Variants in IBA57 observed in about 807,000 individuals in gnomAD.
IBA57 encodes the protein iron-sulfur cluster assembly factor IBA57, mitochondrial.
IBA57 carries 20 observed loss-of-function variants against 20.4 expected under a neutral mutation model. That is an observed-to-expected ratio of 0.98 (90% CI 0.69 to 1.42). The LOEUF is 1.42. IBA57 is among the 40% of genes most tolerant of loss of function. The pLI, the probability that IBA57 is intolerant of heterozygous loss-of-function variation, is 0.00. For missense variants in IBA57, 608 were observed against 499.3 expected, an observed-to-expected ratio of 1.22 and a Z score of -2.07; for synonymous variants, 310 against 233.9, an observed-to-expected ratio of 1.33 and a Z score of -2.97.
intron 1 of IBA57, chr1:228,173,559 G>C (rs2034956556): frequency 6.5e-6 from 1 of 152,734 alleles, no homozygotes; most frequent in East Asian, 1.9e-4. Flanking sequence ...TCTGAGACTT[G>C]GCTTGGGGAG....
At position 228,177,676 on chromosome 1, in the gene IBA57, A is replaced by G. The variant is rs969796960; in HGVS notation, c.*2163A>G. On this transcript the variant is annotated 3_prime_UTR_variant, in exon 3 of 3. Transcript: ENST00000366711. ...GCTAATTTTTGTATTTTTAGTAGAG[A>G]TGGGGTTTTACCATGTTGGCCAGGA... is the stretch of plus-strand genomic sequence containing the variant. 1 of 151,656 alleles carries G rather than the reference A, an allele frequency of 6.6e-6. No individual in the cohort carries two copies. The highest frequency in any genetic ancestry group is 2.4e-5 in the African/African-American group (1 of 41,234). The allele number at this position is 151,656 out of a possible 1,614,324, so 9.4% of individuals were successfully genotyped here.
intron 1 of IBA57, chr1:228,172,082 T>C (rs892927410): frequency 4.6e-4 from 4 of 8,644 alleles, no homozygotes; most frequent in African/African-American, 7.2e-4. Context: ...TTTTTTTTTG[T>C]TGTTGTTGTT....
intron 1 of IBA57, among the ~76,000 whole-genome samples, chr1:228,169,714 C>T (rs2034898532): frequency 6.6e-6 from 1 of 152,222 alleles, no homozygotes; most frequent in Non-Finnish European, 1.5e-5. Flanking sequence ...TCCCCTAACT[C>T]CTGGCCACCA....
rs751616087 is a variant in IBA57, at chr1:228,174,989, C to T, written c.639C>T (p.Leu213=). Residue 213 remains leucine, a synonymous_variant, in exon 2 of 3, where the codon CTC becomes CTT. Transcript: ENST00000366711. ...EGPALVPGGR[L]GDLWDYHQHR... is the part of the protein sequence containing the mutation. ...CAGCCCTGGTGCCCGGGGGCCGGCTCGGGGACTTGTGGGATTATCACCAGC... is the reference window on the plus strand; with the variant it reads ...CAGCCCTGGTGCCCGGGGGCCGGCTTGGGGACTTGTGGGATTATCACCAGC... 26 of 1,548,774 alleles carry T rather than the reference C, an allele frequency of 1.7e-5. No homozygotes were observed. The highest frequency in any genetic ancestry group is 1.3e-4 in the South Asian group (11 of 81,788).
At chr1:228,173,696 T>G (rs2034958699) in intron 1 of IBA57, among the ~76,000 whole-genome samples, 1 of 152,146 alleles carries the variant, frequency 6.6e-6, no homozygotes, top group South Asian at 2.1e-4. Flanking sequence ...TTCCCTGGGC[T>G]GGAACAGGCA....
Position 228,180,442 on chromosome 1 carries a change from G to A in IBA57, c.*4929G>A, listed in dbSNP as rs941662479. The A allele has an allele frequency of 6.6e-6, 1 of 152,140 alleles. No individual in the cohort carries two copies. The highest frequency in any genetic ancestry group is 1.5e-5 in the Non-Finnish European group (1 of 68,036). The allele number at this position is 152,140 out of a possible 1,614,324, so 9.4% of individuals were successfully genotyped here. A position where few individuals can be genotyped will look rare whatever the true frequency, so the allele number is the denominator to read the frequency against. On this transcript the variant is annotated 3_prime_UTR_variant, in exon 3 of 3. Coordinates refer to ENST00000366711, the MANE Select transcript of IBA57 (RefSeq NM_001010867.4). Reference sequence around the variant, plus strand: ...CCACATGTTGAGTTGGGAGAGAGGTGCCCAAACCTACAGTGTTCTAAAGTC... The same window carrying A: ...CCACATGTTGAGTTGGGAGAGAGGTACCCAAACCTACAGTGTTCTAAAGTC...
chr1:228,180,377 C>T lies in IBA57; in HGVS notation c.*4864C>T, dbSNP rs367937637. On this transcript the variant is annotated 3_prime_UTR_variant, in exon 3 of 3. Coordinates refer to ENST00000366711, the MANE Select transcript of IBA57 (RefSeq NM_001010867.4). ...TCTAAAACACCACATCTAGAAGCTT[C>T]TACTTAGAATGCCTACTTTTGGAGT... is the stretch of plus-strand genomic sequence containing the variant. 6.6e-6 allele frequency: 1 copy of T among 152,000 alleles called. No homozygotes were observed. The highest frequency in any genetic ancestry group is 1.9e-4 in the East Asian group (1 of 5,172). 9.4% of individuals were successfully genotyped at this position (152,000 alleles called of 1,614,324 possible). A position where few individuals can be genotyped will look rare whatever the true frequency, so the allele number is the denominator to read the frequency against.
chr1:228,175,124 G>C lies in IBA57; in HGVS notation c.682G>C (p.Val228Leu), dbSNP rs777266229. 6.8e-6 allele frequency: 11 copies of C among 1,611,208 alleles called. No individual in the cohort carries two copies. The highest frequency in any genetic ancestry group is 1.3e-5 in the African/African-American group (1 of 74,986). Residue 228 changes from valine to leucine, a missense_variant and splice_region_variant, in exon 3 of 3, where the codon GTT becomes CTT. Val to Leu is a conservative substitution (Grantham distance 32). Coordinates refer to ENST00000366711, the MANE Select transcript of IBA57 (RefSeq NM_001010867.4). ...DYHQHRYLQG[V>L]PEGVRDLPPG... Reference sequence around the variant, plus strand: ...TTTCCCCCCTCCAATCCCTGCAGGCGTTCCTGAGGGGGTCCGAGACTTGCC... The same window carrying C: ...TTTCCCCCCTCCAATCCCTGCAGGCCTTCCTGAGGGGGTCCGAGACTTGCC...
At position 228,170,158 on chromosome 1, in the gene IBA57, G is replaced by A. The variant is rs989233942; in HGVS notation, c.341+4001G>A. ...TGCTGGGATTACAGGCGTGAGCCAC[G>A]GCGCCCGGCCGACAGCTAATTTCTT... On this transcript the variant is annotated intron_variant, in intron 1 of 2. Transcript: ENST00000366711. This position sits in a 1 kb window ranked among gnomAD's most constrained non-coding sequence, Gnocchi z 4.8. 2.6e-5 allele frequency among the ~76,000 whole-genome samples: 4 copies of A among 152,048 alleles called. No homozygotes were observed. The highest frequency in any genetic ancestry group is 4.4e-5 in the Non-Finnish European group (3 of 68,012).
Position 228,174,970 on chromosome 1 carries a change from T to C in IBA57, c.620T>C (p.Leu207Pro). 2 of 1,561,258 alleles carry C rather than the reference T, an allele frequency of 1.3e-6. No homozygotes were observed. The highest frequency in any genetic ancestry group is 1.7e-6 in the Non-Finnish European group (2 of 1,150,954). ...CTCACCCAGGATGAAGGCCCAGCCC[T>C]GGTGCCCGGGGGCCGGCTCGGGGAC... ...RLLTQDEGPA[L>P]VPGGRLGDLW... The change falls in exon 2 of 3, where the codon CTG becomes CCG. Residue 207 changes from leucine (L) to proline (P), a missense_variant. Coordinates refer to ENST00000366711, the MANE Select transcript of IBA57 (RefSeq NM_001010867.4).
At chr1:228,168,290 T>C (rs1359648178) in intron 1 of IBA57, among the ~76,000 whole-genome samples, 1 of 152,200 alleles carries the variant, frequency 6.6e-6, no homozygotes, top group East Asian at 1.9e-4. Context: ...TGTAATACAG[T>C]ATATAATAGC....
At position 228,170,164 on chromosome 1, in the gene IBA57, C is replaced by T. The variant is rs536586022; in HGVS notation, c.341+4007C>T. 2.5e-4 allele frequency among the ~76,000 whole-genome samples: 38 copies of T among 152,226 alleles called. 1 individual carries two copies. The highest frequency in any genetic ancestry group is 8.4e-4 in the African/African-American group (35 of 41,520). ...GATTACAGGCGTGAGCCACGGCGCC[C>T]GGCCGACAGCTAATTTCTTTTAGTA... On this transcript the variant is annotated intron_variant, in intron 1 of 2. Transcript: ENST00000366711. The surrounding 1 kb of genome is among the most constrained non-coding windows in gnomAD (Gnocchi z 4.8).
intron 1 of IBA57, chr1:228,171,724 C>G (rs1162311038): frequency 6.5e-6 from 1 of 154,434 alleles, no homozygotes; most frequent in African/African-American, 2.4e-5. Flanking sequence ...GCGGCCTCCC[C>G]TGTGCCTGTG....
intron 1 of IBA57, among the ~76,000 whole-genome samples, chr1:228,174,159 C>T (rs1363285339): frequency 1.4e-5 from 2 of 139,474 alleles, no homozygotes; most frequent in Non-Finnish European, 3.1e-5. Flanking sequence ...GGGCGTGGCT[C>T]GCTGTGGGCG....
rs968780681 is a variant in IBA57 at position 228,166,163 on chromosome 1, C to A, written c.341+6C>A. 6.8e-7 allele frequency: 1 copy of A among 1,473,892 alleles called. No individual in the cohort carries two copies. Among genetic ancestry groups the A allele is most frequent in the Non-Finnish European group, 9.0e-7 (1 of 1,108,430 alleles). 91.3% of individuals were successfully genotyped at this position (1,473,892 alleles called of 1,614,324 possible). A position where few individuals can be genotyped will look rare whatever the true frequency, so the allele number is the denominator to read the frequency against. On this transcript the variant is annotated splice_donor_region_variant and intron_variant, in intron 1 of 2. Coordinates refer to ENST00000366711, the MANE Select transcript of IBA57 (RefSeq NM_001010867.4). ...TATGACGTCATCTTGTACGGGTGAG[C>A]GCGTGCTGGGAGGGCGCTCGGGGGC...
At position 228,166,148 on chromosome 1, in the gene IBA57, T is replaced by C; in HGVS notation, c.332T>C (p.Ile111Thr). 1 of 1,512,654 alleles carries C rather than the reference T, an allele frequency of 6.6e-7. No homozygotes were observed. The highest frequency in any genetic ancestry group is 8.8e-7 in the Non-Finnish European group (1 of 1,130,716). 93.7% of individuals were successfully genotyped at this position (1,512,654 alleles called of 1,614,324 possible). The change falls in exon 1 of 3, where the codon ATC becomes ACC. Residue 111 changes from isoleucine (I) to threonine (T), a missense_variant. Coordinates refer to ENST00000366711, the MANE Select transcript of IBA57 (RefSeq NM_001010867.4). ...NVQGRTLYDV[I>T]LYGLQEHSEV... The stretch of plus-strand genomic sequence containing the variant: ...CAGGGCCGGACGCTCTATGACGTCA[T>C]CTTGTACGGGTGAGCGCGTGCTGGG...
rs1468191096 is a variant in IBA57 at position 228,165,906 on chromosome 1, C to G, written c.90C>G (p.Arg30=). 5 of 1,444,396 alleles carry G rather than the reference C, an allele frequency of 3.5e-6. No individual in the cohort carries two copies. The highest frequency in any genetic ancestry group is 3.6e-6 in the Non-Finnish European group (4 of 1,102,034). 89.5% of individuals were successfully genotyped at this position (1,444,396 alleles called of 1,614,324 possible). ...GGCTGCGCGCGGCCCCAAGGTGCCG[C>G]CTGGCCCACAGCTCCTGCAGTCCTG... ...RWRLRAAPRC[R]LAHSSCSPGG... Residue 30 remains arginine (R), a synonymous_variant, in exon 1 of 3, where the codon CGC becomes CGG. Transcript: ENST00000366711.
At position 228,175,861 on chromosome 1, in the gene IBA57, C is replaced by G. The variant is rs1322731200; in HGVS notation, c.*348C>G. 11 of 206,834 alleles carry G rather than the reference C, an allele frequency of 5.3e-5. No homozygotes were observed. The highest frequency in any genetic ancestry group is 4.5e-4 in the Admixed American group (8 of 17,914). 12.8% of individuals were successfully genotyped at this position (206,834 alleles called of 1,614,324 possible). On this transcript the variant is annotated 3_prime_UTR_variant, in exon 3 of 3. Transcript: ENST00000366711. ...CACTGGCAGCTTCCGGGCCTTGTACCCCACTCTGCCTGGCATGAGCCTCAT... is the reference window on the plus strand; with the variant it reads ...CACTGGCAGCTTCCGGGCCTTGTACGCCACTCTGCCTGGCATGAGCCTCAT...
rs1398489821 is a variant in IBA57, at chr1:228,180,487, G to A, written c.*4974G>A. 2.0e-5 allele frequency: 3 copies of A among 152,180 alleles called. No individual in the cohort carries two copies. The highest frequency in any genetic ancestry group is 7.2e-5 in the African/African-American group (3 of 41,442). 9.4% of individuals were successfully genotyped at this position (152,180 alleles called of 1,614,324 possible). ...AAAGTCCCCCTACTGGTCGGAAGGA[G>A]GGCACGGACACTGACTTCAGCATCT... On this transcript the variant is annotated 3_prime_UTR_variant, in exon 3 of 3. Coordinates refer to ENST00000366711, the MANE Select transcript of IBA57 (RefSeq NM_001010867.4).
Sources: gnomAD v4.1 joint callset for allele counts (sites outside exome capture counted in the v4.1 genomes callset) on GRCh38, gnomAD v4.1.1 for gene constraint, Gnocchi (gnomAD v3.1) non-coding constraint, MANE v1.5 for transcripts, NCBI Gene and HGNC (gene_info 2026-07-23, HGNC 2026-07-21) for gene names.